The following CELF2 variants were observed in gnomAD, a reference collection of about 807,000 sequenced individuals.
CELF2 encodes the protein CUG triplet repeat RNA-binding protein 2.
A neutral mutation model predicts 62.6 loss-of-function variants in CELF2; 8 were observed. The ratio of observed to expected loss-of-function variants is 0.13; its 90% confidence interval spans 0.07 to 0.23. CELF2 has a LOEUF of 0.23. Among genes scored for constraint, CELF2 ranks in the 10% least tolerant of loss-of-function variants. The probability of loss-of-function intolerance (pLI) is 1.00; values close to 1 mark genes in which losing one functional copy is unlikely to be tolerated. For missense variants in CELF2, 333 were observed against 671.0 expected, an observed-to-expected ratio of 0.50 and a Z score of 5.56; for synonymous variants, 258 against 250.0, an observed-to-expected ratio of 1.03 and a Z score of -0.30.
rs2094550210 is a variant in CELF2, at chr10:11,311,324, T to C, written c.977-2815T>C. ...ATGAAGTTAAAGTATCCCCAGCTTG[T>C]AGTTTCCTCCAGCACCTTGTAGAAT... On this transcript the variant is annotated intron_variant, in intron 9 of 12. Coordinates refer to ENST00000633077, the MANE Select transcript of CELF2 (RefSeq NM_001326342.2). The surrounding 1 kb of genome is among the most constrained non-coding windows in gnomAD (Gnocchi z 4.7). Among the ~76,000 whole-genome samples the C allele has an allele frequency of 6.6e-6, 1 of 152,236 alleles. No homozygotes were observed. The highest frequency in any genetic ancestry group is 1.5e-5 in the Non-Finnish European group (1 of 68,046).
At chr10:10,573,345 C>A in the CELF2 span, among the ~76,000 whole-genome samples, 1 of 152,274 alleles carries the variant, frequency 6.6e-6, no homozygotes, top group East Asian at 1.9e-4. Flanking sequence ...TGTGCAGAAG[C>A]TCTTTAATTA....
chr10:10,656,761 A>C, the CELF2 span, among the ~76,000 whole-genome samples: 15 of 126,722 alleles, frequency 1.2e-4, no homozygotes, highest in Middle Eastern at 3.8e-3. Flanking sequence ...TGGGAGATAT[A>C]CCTAATGCTA....
intron 2 of CELF2, among the ~76,000 whole-genome samples, chr10:11,193,150 A>G (rs916330290): frequency 6.6e-6 from 1 of 152,202 alleles, no homozygotes; most frequent in African/African-American, 2.4e-5. Flanking sequence ...TGGGGCTTCC[A>G]GTGACTTCGT....
At chr10:11,164,246 G>T (rs1413429188) in intron 1 of CELF2, among the ~76,000 whole-genome samples, 1 of 152,174 alleles carries the variant, frequency 6.6e-6, no homozygotes, top group Non-Finnish European at 1.5e-5. Context: ...TGGGTTCAGG[G>T]TATATTTGGA....
intron 1 of CELF2, among the ~76,000 whole-genome samples, chr10:11,022,288 G>A (rs760396074): frequency 6.6e-6 from 1 of 152,112 alleles, no homozygotes; most frequent in Non-Finnish European, 1.5e-5. Context: ...ATCCCACATT[G>A]GCTTTTTAGA....
At chr10:10,649,946 T>G in the CELF2 span, among the ~76,000 whole-genome samples, 1 of 152,050 alleles carries the variant, frequency 6.6e-6, no homozygotes. Context: ...AAGTGGCCAT[T>G]TAGATCGATG....
chr10:11,225,040 A>G (rs181598247), intron 3 of CELF2, among the ~76,000 whole-genome samples: 8 of 152,152 alleles, frequency 5.3e-5, no homozygotes, highest in Non-Finnish European at 7.4e-5. Context: ...GCTCGTTTCA[A>G]CCATAAATGG....
chr10:11,052,373 C>T (rs985589479), intron 1 of CELF2, among the ~76,000 whole-genome samples: 9 of 152,152 alleles, frequency 5.9e-5, no homozygotes, highest in African/African-American at 2.2e-4. Context: ...TTTTTAGTTA[C>T]TATGATTAAA....
intron 5 of CELF2, among the ~76,000 whole-genome samples, chr10:11,258,977 C>A (rs2079639141): frequency 6.6e-6 from 1 of 152,258 alleles, no homozygotes; most frequent in African/African-American, 2.4e-5. Context: ...AGCCACCGCA[C>A]CCAGCCTGTG....
chr10:10,497,755 C>T, the CELF2 span, among the ~76,000 whole-genome samples: 139 of 152,150 alleles, frequency 9.1e-4, 1 homozygote, highest in South Asian at 8.3e-4. Flanking sequence ...GAGAAAAGGA[C>T]GATGAATCAG....
At chr10:10,589,642 C>T in the CELF2 span, among the ~76,000 whole-genome samples, 1 of 152,150 alleles carries the variant, frequency 6.6e-6, no homozygotes, top group Non-Finnish European at 1.5e-5. Flanking sequence ...CATTTCAGTC[C>T]ACCAGGTGAG....
At chr10:11,144,787 G>A (rs1286787221) in intron 1 of CELF2, among the ~76,000 whole-genome samples, 1 of 151,184 alleles carries the variant, frequency 6.6e-6, no homozygotes. Flanking sequence ...AGCTACTCGG[G>A]AGGCTGAAGT....
chr10:11,203,843 T>C (rs2059826611), intron 2 of CELF2, among the ~76,000 whole-genome samples: 1 of 152,222 alleles, frequency 6.6e-6, no homozygotes, highest in Admixed American at 6.5e-5. Context: ...GAAACTCTTA[T>C]CAAACCTAGT....
At chr10:10,530,138 G>A in the CELF2 span, among the ~76,000 whole-genome samples, 2 of 152,166 alleles carry the variant, frequency 1.3e-5, no homozygotes, top group Non-Finnish European at 2.9e-5. Flanking sequence ...AGTCTGCAGT[G>A]CAAAGCAGAA....
intron 1 of CELF2, among the ~76,000 whole-genome samples, chr10:11,057,723 T>C (rs1293872970): frequency 1.3e-5 from 2 of 152,220 alleles, no homozygotes; most frequent in Non-Finnish European, 2.9e-5. Context: ...GATTGTCAGA[T>C]TATGACTTCG....
chr10:11,166,262 T>C (rs891188266), intron 2 of CELF2, among the ~76,000 whole-genome samples: 1 of 152,164 alleles, frequency 6.6e-6, no homozygotes, highest in Non-Finnish European at 1.5e-5. Context: ...AGCAGCACCC[T>C]AGTGGCCTGA....
intron 2 of CELF2, among the ~76,000 whole-genome samples, chr10:11,170,308 G>T (rs1019660709): frequency 6.6e-6 from 1 of 152,146 alleles, no homozygotes; most frequent in South Asian, 2.1e-4. Context: ...TCGTACAAGC[G>T]CCTGCCCTCA....
chr10:10,945,777 G>T (rs528971536), intron 2 of CELF2, among the ~76,000 whole-genome samples: 1 of 152,208 alleles, frequency 6.6e-6, no homozygotes, highest in African/African-American at 2.4e-5. Flanking sequence ...TCAACAGCGA[G>T]GGCCCCTCAG....
Position 11,311,247 on chromosome 10 carries a change from G to A in CELF2, c.977-2892G>A, listed in dbSNP as rs889556315. ...TTCATAACAATAAACCATCCCTCACGTGAGTTTACAACCCAGTTTGATTGT... is the reference window on the plus strand; with the variant it reads ...TTCATAACAATAAACCATCCCTCACATGAGTTTACAACCCAGTTTGATTGT... On this transcript the variant is annotated intron_variant, in intron 9 of 12. Coordinates refer to ENST00000633077, the MANE Select transcript of CELF2 (RefSeq NM_001326342.2). This position sits in a 1 kb window ranked among gnomAD's most constrained non-coding sequence, Gnocchi z 4.7. Among the ~76,000 whole-genome samples the A allele has an allele frequency of 1.3e-5, 2 of 152,150 alleles. No individual in the cohort carries two copies. Among genetic ancestry groups the A allele is most frequent in the East Asian group, 1.9e-4 (1 of 5,200 alleles).
Sources: gnomAD v4.1 joint callset for allele counts (sites outside exome capture counted in the v4.1 genomes callset) on GRCh38, gnomAD v4.1.1 for gene constraint, Gnocchi (gnomAD v3.1) non-coding constraint, MANE v1.5 for transcripts, NCBI Gene and HGNC (gene_info 2026-07-23, HGNC 2026-07-21) for gene names.